Variants in ECHDC2 observed in about 807,000 individuals in gnomAD.
ECHDC2 encodes enoyl-CoA hydratase domain-containing protein 2, mitochondrial.
Under a neutral mutation model 40.6 loss-of-function variants are expected in ECHDC2, and 34 were observed. That is an observed-to-expected ratio of 0.84 (90% CI 0.64 to 1.11). The LOEUF (loss-of-function observed/expected upper bound fraction) is 1.11, where lower values mean the gene tolerates loss of function less well. ECHDC2 is among the 50% of genes most tolerant of loss of function. The probability of loss-of-function intolerance (pLI) is 0.00; values close to 1 mark genes in which losing one functional copy is unlikely to be tolerated. For synonymous variants in ECHDC2, 162 were observed against 166.6 expected, an observed-to-expected ratio of 0.97 and a Z score of 0.21; for missense variants, 392 against 400.7, an observed-to-expected ratio of 0.98 and a Z score of 0.19.
At chr1:52,902,154 A>C (rs573290378) in intron 7 of ECHDC2, 10 of 152,160 alleles carry the variant, frequency 6.6e-5, no homozygotes, top group Admixed American at 5.2e-4. Context: ...TTTTTGTTCA[A>C]AATTATACTA....
chr1:52,908,956 G>GAAAAAAAAAAAAAAAA (rs1190885771), intron 3 of ECHDC2, among the ~76,000 whole-genome samples: 7 of 141,834 alleles, frequency 4.9e-5, no homozygotes, highest in Admixed American at 6.9e-5. Context: ...AAAAAAAAAG[G>GAAAAAAAAAAAAAAAA]AAAAAGGACT....
chr1:52,896,808 T>C (rs1031119978), intron 9 of ECHDC2: 1 of 555,966 alleles, frequency 1.8e-6, no homozygotes, highest in African/African-American at 1.9e-5. Flanking sequence ...CTGTGCCCCA[T>C]CAGCATTAGC....
Position 52,912,039 on chromosome 1 carries a change from G to A in ECHDC2, c.122-249C>T, listed in dbSNP as rs755484785. 157 of 1,407,164 alleles carry A rather than the reference G, an allele frequency of 1.1e-4. No homozygotes were observed. In the Middle Eastern group the frequency reaches 1.3e-3, roughly 12 times the overall value. The allele number at this position is 1,407,164 out of a possible 1,614,324, so 87.2% of individuals were successfully genotyped here. The stretch of plus-strand genomic sequence containing the variant: ...CTTGTAAACTGTGAAGCAAAATGGG[G>A]AGAGGAACAACAGTGACTACCACAG... On this transcript the variant is annotated intron_variant, in intron 1 of 9. Transcript: ENST00000371522.
chr1:52,898,901 C>T (rs1441885927), intron 8 of ECHDC2: 4 of 525,584 alleles, frequency 7.6e-6, no homozygotes, highest in East Asian at 3.5e-5. Context: ...TACTCACTTC[C>T]TCTGAGACCT....
At chr1:52,906,061 A>G (rs1647721258) in intron 5 of ECHDC2, 1 of 331,330 alleles carries the variant, frequency 3.0e-6, no homozygotes, top group African/African-American at 2.2e-5. Context: ...CCATTCTTCA[A>G]ACAAAGCTCA....
intron 3 of ECHDC2, among the ~76,000 whole-genome samples, chr1:52,909,570 A>C (rs1430986859): frequency 6.6e-6 from 1 of 151,628 alleles, no homozygotes; most frequent in Non-Finnish European, 1.5e-5. Context: ...ATAATGTCTT[A>C]AGAAAGTTTA....
Position 52,905,105 on chromosome 1 carries a change from C to T in ECHDC2, c.458-15G>A. Reference sequence around the variant, plus strand: ...TGCCGAGGAAGCTGCTCAGATAGAACAAAGTGAGGCCTCCCTCCCCCATCC... The same window carrying T: ...TGCCGAGGAAGCTGCTCAGATAGAATAAAGTGAGGCCTCCCTCCCCCATCC... On this transcript the variant is annotated splice_polypyrimidine_tract_variant and intron_variant, in intron 5 of 9. Transcript: ENST00000371522. The T allele has an allele frequency of 1.2e-6, 2 of 1,613,864 alleles. No individual in the cohort carries two copies. Among genetic ancestry groups the T allele is most frequent in the Non-Finnish European group, 1.7e-6 (2 of 1,179,992 alleles).
chr1:52,909,152 T>C (rs1052819657), intron 3 of ECHDC2, among the ~76,000 whole-genome samples: 19 of 152,128 alleles, frequency 1.2e-4, no homozygotes, highest in Non-Finnish European at 2.6e-4. Flanking sequence ...CATGGAACCC[T>C]GGTGCATTGC....
chr1:52,907,713 C>T (rs552377275), intron 4 of ECHDC2, 155 bp downstream of exon 4: 23 of 639,514 alleles, frequency 3.6e-5, no homozygotes, highest in Admixed American at 1.8e-4. Context: ...GAACTGCCCT[C>T]GGTCATCCTC....
In ECHDC2 at chr1:52,919,699, G is replaced by A. The variant is rs575418541; in HGVS notation, c.121+1854C>T. On this transcript the variant is annotated intron_variant, in intron 1 of 9. Coordinates refer to ENST00000371522, the MANE Select transcript of ECHDC2 (RefSeq NM_001198961.2). ...TCTTGTGCCATCAGCCCCAGTGGAA[G>A]GCAGAACCTGCAGCTTCTAATATGA... Among the ~76,000 whole-genome samples, 6 of 152,336 alleles carry A rather than the reference G, an allele frequency of 3.9e-5. No individual in the cohort carries two copies. In the East Asian group the frequency reaches 1.2e-3, roughly 29 times the overall value.
intron 5 of ECHDC2, chr1:52,906,249 C>T (rs1647775640): frequency 4.0e-6 from 2 of 505,720 alleles, no homozygotes; most frequent in Non-Finnish European, 7.5e-6. Context: ...ACCTCCTTGG[C>T]TCGTAACAGC....
chr1:52,916,128 A>T (rs1650618536), intron 1 of ECHDC2, among the ~76,000 whole-genome samples: 1 of 152,228 alleles, frequency 6.6e-6, no homozygotes, highest in African/African-American at 2.4e-5. Context: ...CCTGAAGCAG[A>T]GAACTCTGCT....
At chr1:52,915,666 A>G (rs987428365) in intron 1 of ECHDC2, among the ~76,000 whole-genome samples, 2 of 152,204 alleles carry the variant, frequency 1.3e-5, no homozygotes, top group Non-Finnish European at 2.9e-5. Context: ...CAAACTTCAG[A>G]GCAGTCTAGA....
upstream of ECHDC2, chr1:52,921,741 G>A (rs1160990976): frequency 2.5e-5 from 35 of 1,424,796 alleles, no homozygotes; most frequent in East Asian, 9.4e-4. Flanking sequence ...CTGAGAGCTC[G>A]CAGTTCCGGC....
intron 3 of ECHDC2, among the ~76,000 whole-genome samples, chr1:52,909,576 G>A (rs1648888954): frequency 6.7e-6 from 1 of 149,390 alleles, no homozygotes; most frequent in Non-Finnish European, 1.5e-5. Flanking sequence ...TCTTAAGAAA[G>A]TTTACAAATT....
intron 9 of ECHDC2, 147 bp downstream of exon 9, chr1:52,897,290 A>T (rs1255658525): frequency 1.2e-6 from 1 of 817,448 alleles, no homozygotes; most frequent in Non-Finnish European, 2.1e-6. Flanking sequence ...TCCTCAAGCC[A>T]CTCCAGGTGA....
Position 52,896,257 on chromosome 1 carries a change from G to C in ECHDC2, c.*263C>G, listed in dbSNP as rs1646631531. 1.3e-5 allele frequency: 6 copies of C among 469,878 alleles called. No individual in the cohort carries two copies. The South Asian group carries it at 1.4e-4, about 11-fold the overall frequency. The allele number at this position is 469,878 out of a possible 1,614,324, so 29.1% of individuals were successfully genotyped here. On this transcript the variant is annotated 3_prime_UTR_variant, in exon 10 of 10. Coordinates refer to ENST00000371522, the MANE Select transcript of ECHDC2 (RefSeq NM_001198961.2). Reference sequence around the variant, plus strand: ...TCTAATTTAATTCTTTATCATTCAAGTAGAGAGACAGGCATTTTCCAAAGC... The same window carrying C: ...TCTAATTTAATTCTTTATCATTCAACTAGAGAGACAGGCATTTTCCAAAGC...
At position 52,904,820 on chromosome 1, in the gene ECHDC2, C is replaced by G. The variant is rs1557489298; in HGVS notation, c.528G>C (p.Arg176Ser). 8.7e-6 allele frequency: 14 copies of G among 1,611,824 alleles called. No individual in the cohort carries two copies. Among genetic ancestry groups the G allele is most frequent in the South Asian group, 6.6e-5 (6 of 90,848 alleles). Residue 176 changes from arginine to serine, a missense_variant, in exon 7 of 10, where the codon AGG becomes AGC. Physicochemically the swap from Arg to Ser is moderately radical, Grantham distance 110. Coordinates refer to ENST00000371522, the MANE Select transcript of ECHDC2 (RefSeq NM_001198961.2). ...GGGCCACCCCCAGACAACGGGGCAG[C>G]CTCTGAGTCCCTCCTACCAGGATGG... ...GLLPGAGGTQ[R>S]LPRCLGVALA...
chr1:52,896,608 G>A lies in ECHDC2; in HGVS notation c.802-11C>T, dbSNP rs940686121. ...CCGGGTTGGAATATTCTGCAACAAG[G>A]TACAAAATATTAGTTTTGGGGGAGC... On this transcript the variant is annotated splice_polypyrimidine_tract_variant and intron_variant, in intron 9 of 9. Transcript: ENST00000371522. 2 of 1,612,070 alleles carry A rather than the reference G, an allele frequency of 1.2e-6. No homozygotes were observed. Among genetic ancestry groups the A allele is most frequent in the African/African-American group, 1.3e-5 (1 of 74,982 alleles).
Sources: gnomAD v4.1 joint callset for allele counts (sites outside exome capture counted in the v4.1 genomes callset) on GRCh38, gnomAD v4.1.1 for gene constraint, MANE v1.5 for transcripts, NCBI Gene and HGNC (gene_info 2026-07-23, HGNC 2026-07-21) for gene names.